The following MBLAC1 variants were observed in gnomAD, a reference collection of about 807,000 sequenced individuals.
MBLAC1 encodes the protein metallo-beta-lactamase domain containing 1.
A neutral mutation model predicts 1.5 loss-of-function variants in MBLAC1; 1 was observed. That is an observed-to-expected ratio of 0.68 (90% CI 0.24 to 3.21). The LOEUF is 3.21. Ranked by LOEUF, MBLAC1 falls within the 30% of genes most tolerant of loss-of-function variation. MBLAC1 has a pLI of 0.20. For missense variants in MBLAC1, 371 were observed against 384.7 expected (o/e 0.96, Z 0.30); for synonymous variants, 197 against 191.3 (o/e 1.03, Z -0.25).
chr7:100,127,621 G>T lies in MBLAC1; in HGVS notation c.226G>T (p.Ala76Ser), dbSNP rs1235486297. Residue 76 changes from alanine (A) to serine (S), a missense_variant, in exon 2 of 2, where the codon GCC (alanine) becomes TCC (serine). Physicochemically the swap from Ala to Ser is moderately conservative, Grantham distance 99. Coordinates refer to ENST00000398075, the MANE Select transcript of MBLAC1 (RefSeq NM_203397.3). The surrounding 1 kb of genome is among the most constrained non-coding windows in gnomAD (Gnocchi z 4.6). ...CGCAGAGGCCGCCCTGGAGGAGGCG[G>T]CCCGTGGCCCCATCCTGGTGGACAC... is the stretch of plus-strand genomic sequence containing the variant. ...GGAEAALEEA[A>S]RGPILVDTGG... 1.4e-5 allele frequency: 19 copies of T among 1,397,356 alleles called. No homozygotes were observed. Among genetic ancestry groups the T allele is most frequent in the Non-Finnish European group, 1.8e-5 (19 of 1,082,486 alleles). 86.6% of individuals were successfully genotyped at this position (1,397,356 alleles called of 1,614,324 possible).
Position 100,128,334 on chromosome 7 carries a change from C to T in MBLAC1, c.*138C>T. 1 of 706,936 alleles carries T rather than the reference C, an allele frequency of 1.4e-6. No homozygotes were observed. The highest frequency in any genetic ancestry group is 3.0e-5 in the Admixed American group (1 of 33,806). The allele number at this position is 706,936 out of a possible 1,614,324, so 43.8% of individuals were successfully genotyped here. On this transcript the variant is annotated 3_prime_UTR_variant, in exon 2 of 2. Transcript: ENST00000398075. Reference sequence around the variant, plus strand: ...GTTTTCTAGTGAAGACAGAGTGCACCTGACACTGCCATCACATCGTCAGTA... The same window carrying T: ...GTTTTCTAGTGAAGACAGAGTGCACTTGACACTGCCATCACATCGTCAGTA...
chr7:100,128,324 CAG>C lies in MBLAC1; in HGVS notation c.*131_*132del. Reference sequence around the variant, plus strand: ...CAGGAGGCCAGTTTTCTAGTGAAGACAGAGTGCACCTGACACTGCCATCACAT... The same window carrying C: ...CAGGAGGCCAGTTTTCTAGTGAAGACAGTGCACCTGACACTGCCATCACAT... On this transcript the variant is annotated 3_prime_UTR_variant, in exon 2 of 2. Transcript: ENST00000398075. The C allele has an allele frequency of 2.6e-6, 2 of 769,792 alleles. No individual in the cohort carries two copies. The highest frequency in any genetic ancestry group is 4.2e-6 in the Non-Finnish European group (2 of 477,744). The allele number at this position is 769,792 out of a possible 1,614,324, so 47.7% of individuals were successfully genotyped here.
In MBLAC1 at chr7:100,127,635, C is replaced by G. The variant is rs1437353657; in HGVS notation, c.240C>G (p.Ile80Met). The change falls in exon 2 of 2, where the codon ATC (isoleucine) becomes ATG (methionine). Residue 80 changes from isoleucine (I) to methionine (M), a missense_variant. Physicochemically the swap from Ile to Met is conservative, Grantham distance 10. Transcript: ENST00000398075. The surrounding 1 kb of genome is among the most constrained non-coding windows in gnomAD (Gnocchi z 4.6). Reference sequence around the variant, plus strand: ...TGGAGGAGGCGGCCCGTGGCCCCATCCTGGTGGACACCGGGGGCCCCTGGG... The same window carrying G: ...TGGAGGAGGCGGCCCGTGGCCCCATGCTGGTGGACACCGGGGGCCCCTGGG... Reference protein sequence around the residue: ...AALEEAARGPILVDTGGPWAR... With the variant: ...AALEEAARGPMLVDTGGPWAR... 4.3e-6 allele frequency: 6 copies of G among 1,403,218 alleles called. No homozygotes were observed. In the Admixed American group the frequency reaches 1.3e-4, roughly 31 times the overall value. 86.9% of individuals were successfully genotyped at this position (1,403,218 alleles called of 1,614,324 possible).
At position 100,127,830 on chromosome 7, in the gene MBLAC1, GC is replaced by G; in HGVS notation, c.439del (p.His147ThrfsTer29). On this transcript the variant is annotated frameshift_variant, in exon 2 of 2. Coordinates refer to ENST00000398075, the MANE Select transcript of MBLAC1 (RefSeq NM_203397.3). LOFTEE classifies it low-confidence loss of function (END_TRUNC). This position sits in a 1 kb window ranked among gnomAD's most constrained non-coding sequence, Gnocchi z 4.6. ...DFCLPGGRYL[P>X]HGLGEGQPLR... The stretch of plus-strand genomic sequence containing the variant: ...TCTGCCTTCCCGGAGGCCGCTACCT[GC>G]CCCACGGGCTGGGTGAGGGGCAGCC... The G allele has an allele frequency of 6.4e-7, 1 of 1,566,046 alleles. No homozygotes were observed. The highest frequency in any genetic ancestry group is 8.7e-7 in the Non-Finnish European group (1 of 1,154,680).
At position 100,128,433 on chromosome 7, in the gene MBLAC1, A is replaced by T; in HGVS notation, c.*237A>T. On this transcript the variant is annotated 3_prime_UTR_variant, in exon 2 of 2. Transcript: ENST00000398075. ...TCCCTGTGCATTCTCCCTGGGCCTC[A>T]GTAAAATGGGAGAAGGTTCGTGGGA... The T allele has an allele frequency of 2.0e-6, 1 of 489,480 alleles. No individual in the cohort carries two copies. The highest frequency in any genetic ancestry group is 3.7e-6 in the Non-Finnish European group (1 of 270,482). 30.3% of individuals were successfully genotyped at this position (489,480 alleles called of 1,614,324 possible).
At position 100,127,895 on chromosome 7, in the gene MBLAC1, C is replaced by T. The variant is rs934479206; in HGVS notation, c.500C>T (p.Pro167Leu). The stretch of plus-strand genomic sequence containing the variant: ...CCGGGGCTCGAGGTGTGGGCCACGC[C>T]GGGCCACGGGGGCCAGCGCGACGTG... ...LGPGLEVWAT[P>L]GHGGQRDVSV... Residue 167 changes from proline (P) to leucine (L), a missense_variant, in exon 2 of 2, where the codon CCG (proline) becomes CTG (leucine). Transcript: ENST00000398075. This position sits in a 1 kb window ranked among gnomAD's most constrained non-coding sequence, Gnocchi z 4.6. The T allele has an allele frequency of 1.3e-6, 2 of 1,567,584 alleles. No homozygotes were observed. Among genetic ancestry groups the T allele is most frequent in the Admixed American group, 1.9e-5 (1 of 52,562 alleles).
At position 100,127,312 on chromosome 7, in the gene MBLAC1, G is replaced by A. The variant is rs555316776; in HGVS notation, c.-28-56G>A. ...GGCAGTGGCGGGGCCGAGCGCGGGTGGGGGATCGCGGAGGGACAGGACGGT... is the reference window on the plus strand; with the variant it reads ...GGCAGTGGCGGGGCCGAGCGCGGGTAGGGGATCGCGGAGGGACAGGACGGT... On this transcript the variant is annotated intron_variant, in intron 1 of 1. Transcript: ENST00000398075. The surrounding 1 kb of genome is among the most constrained non-coding windows in gnomAD (Gnocchi z 4.6). The A allele has an allele frequency of 6.5e-4, 843 of 1,303,320 alleles. 2 individuals are homozygous for A. In the African/African-American group the frequency reaches 0.011, roughly 17 times the overall value. 80.7% of individuals were successfully genotyped at this position (1,303,320 alleles called of 1,614,324 possible).
Position 100,128,117 on chromosome 7 carries a change from C to T in MBLAC1, c.722C>T (p.Ala241Val). The stretch of plus-strand genomic sequence containing the variant: ...CCCCCCTTTCGAGTGTTAAGGGAAG[C>T]CTCGCAGCCCGAGACGGAGGGTGGA... ...HGPPFRVLRE[A>V]SQPETEGGGN... Residue 241 changes from alanine to valine, a missense_variant, in exon 2 of 2, where the codon GCC becomes GTC. Physicochemically the swap from Ala to Val is moderately conservative, Grantham distance 64. Coordinates refer to ENST00000398075, the MANE Select transcript of MBLAC1 (RefSeq NM_203397.3). 6.2e-7 allele frequency: 1 copy of T among 1,608,058 alleles called. No individual in the cohort carries two copies. Among genetic ancestry groups the T allele is most frequent in the East Asian group, 2.2e-5 (1 of 44,656 alleles).
At position 100,127,323 on chromosome 7, in the gene MBLAC1, G is replaced by T. The variant is rs1798250462; in HGVS notation, c.-28-45G>T. On this transcript the variant is annotated intron_variant, in intron 1 of 1. Coordinates refer to ENST00000398075, the MANE Select transcript of MBLAC1 (RefSeq NM_203397.3). This position sits in a 1 kb window ranked among gnomAD's most constrained non-coding sequence, Gnocchi z 4.6. ...GGCCGAGCGCGGGTGGGGGATCGCG[G>T]AGGGACAGGACGGTCGCCCACTGCT... The T allele has an allele frequency of 5.8e-6, 8 of 1,387,126 alleles. No individual in the cohort carries two copies. The African/African-American group carries it at 1.0e-4, about 18-fold the overall frequency. 85.9% of individuals were successfully genotyped at this position (1,387,126 alleles called of 1,614,324 possible).
At position 100,127,758 on chromosome 7, in the gene MBLAC1, G is replaced by A; in HGVS notation, c.363G>A (p.Gly121=). 3 of 1,540,010 alleles carry A rather than the reference G, an allele frequency of 1.9e-6. No homozygotes were observed. Among genetic ancestry groups the A allele is most frequent in the Non-Finnish European group, 8.7e-7 (1 of 1,145,856 alleles). Residue 121 remains glycine (G), a synonymous_variant, in exon 2 of 2, where the codon GGG becomes GGA. Coordinates refer to ENST00000398075, the MANE Select transcript of MBLAC1 (RefSeq NM_203397.3). This position sits in a 1 kb window ranked among gnomAD's most constrained non-coding sequence, Gnocchi z 4.6. ...VGTHGHSDHI[G]NLGLFPGAAL... ...CCCACGGGCACTCGGATCACATCGGGAACTTGGGGCTGTTCCCAGGCGCGG... is the reference window on the plus strand; with the variant it reads ...CCCACGGGCACTCGGATCACATCGGAAACTTGGGGCTGTTCCCAGGCGCGG...
Position 100,127,782 on chromosome 7 carries a change from G to C in MBLAC1, c.387G>C (p.Ala129=), listed in dbSNP as rs1238375038. 1.3e-6 allele frequency: 2 copies of C among 1,570,444 alleles called. No homozygotes were observed. Among genetic ancestry groups the C allele is most frequent in the Admixed American group, 1.8e-5 (1 of 54,392 alleles). The part of the protein sequence containing the change: ...HIGNLGLFPG[A]ALLVSHDFCL... ...GGAACTTGGGGCTGTTCCCAGGCGC[G>C]GCTCTGCTGGTCTCGCACGACTTCT... Residue 129 remains alanine (A), a synonymous_variant, in exon 2 of 2, where the codon GCG becomes GCC. Coordinates refer to ENST00000398075, the MANE Select transcript of MBLAC1 (RefSeq NM_203397.3). The surrounding 1 kb of genome is among the most constrained non-coding windows in gnomAD (Gnocchi z 4.6).
In MBLAC1 at chr7:100,127,144, C is replaced by T. The variant is rs1340630801; in HGVS notation, c.-29+80C>T. 4 of 511,792 alleles carry T rather than the reference C, an allele frequency of 7.8e-6. No homozygotes were observed. Among genetic ancestry groups the T allele is most frequent in the African/African-American group, 6.1e-5 (3 of 49,016 alleles). 31.7% of individuals were successfully genotyped at this position (511,792 alleles called of 1,614,324 possible). On this transcript the variant is annotated intron_variant, in intron 1 of 1. Transcript: ENST00000398075. This position sits in a 1 kb window ranked among gnomAD's most constrained non-coding sequence, Gnocchi z 4.6. ...GTGACGGGCAAGGACGTACGTACCGCGAACGGAATGGGGCGGGGGCCGAGG... is the reference window on the plus strand; with the variant it reads ...GTGACGGGCAAGGACGTACGTACCGTGAACGGAATGGGGCGGGGGCCGAGG...
rs1457440993 is a variant in MBLAC1, at chr7:100,127,416, C to CG, written c.25dup (p.Ala9GlyfsTer143). 8 of 1,592,280 alleles carry CG rather than the reference C, an allele frequency of 5.0e-6. No homozygotes were observed. Among genetic ancestry groups the CG allele is most frequent in the Non-Finnish European group, 6.8e-6 (8 of 1,177,208 alleles). ...GCCTCATGCGGACCGAGCCGCTGTG[C>CG]GGGGCATCCCCTCTGCTGGTGCCCG... On this transcript the variant is annotated frameshift_variant, in exon 2 of 2. Coordinates refer to ENST00000398075, the MANE Select transcript of MBLAC1 (RefSeq NM_203397.3). LOFTEE classifies it low-confidence loss of function (END_TRUNC). The surrounding 1 kb of genome is among the most constrained non-coding windows in gnomAD (Gnocchi z 4.6).
In MBLAC1 at chr7:100,127,312, G is replaced by C; in HGVS notation, c.-28-56G>C. ...GGCAGTGGCGGGGCCGAGCGCGGGT[G>C]GGGGATCGCGGAGGGACAGGACGGT... is the stretch of plus-strand genomic sequence containing the variant. On this transcript the variant is annotated intron_variant, in intron 1 of 1. Coordinates refer to ENST00000398075, the MANE Select transcript of MBLAC1 (RefSeq NM_203397.3). This position sits in a 1 kb window ranked among gnomAD's most constrained non-coding sequence, Gnocchi z 4.6. 1.5e-6 allele frequency: 2 copies of C among 1,303,326 alleles called. No individual in the cohort carries two copies. The highest frequency in any genetic ancestry group is 2.5e-5 in the Admixed American group (1 of 40,596). The allele number at this position is 1,303,326 out of a possible 1,614,324, so 80.7% of individuals were successfully genotyped here.
Position 100,127,848 on chromosome 7 carries a change from G to T in MBLAC1, c.453G>T (p.Glu151Asp). The change falls in exon 2 of 2, where the codon GAG (glutamate) becomes GAT (aspartate). Residue 151 changes from glutamate to aspartate, a missense_variant. Transcript: ENST00000398075. This position sits in a 1 kb window ranked among gnomAD's most constrained non-coding sequence, Gnocchi z 4.6. ...GCTACCTGCCCCACGGGCTGGGTGA[G>T]GGGCAGCCCCTGCGCCTGGGCCCGG... Reference protein sequence around the residue: ...GGRYLPHGLGEGQPLRLGPGL... With the variant: ...GGRYLPHGLGDGQPLRLGPGL... 1 of 1,561,758 alleles carries T rather than the reference G, an allele frequency of 6.4e-7. No individual in the cohort carries two copies.
In MBLAC1 at chr7:100,127,947, G is replaced by A; in HGVS notation, c.552G>A (p.Leu184=). The change falls in exon 2 of 2, where the codon CTG becomes CTA. Residue 184 remains leucine (L), a synonymous_variant. Coordinates refer to ENST00000398075, the MANE Select transcript of MBLAC1 (RefSeq NM_203397.3). This position sits in a 1 kb window ranked among gnomAD's most constrained non-coding sequence, Gnocchi z 4.6. The part of the protein sequence containing the change: ...DVSVVVAGTA[L]GTVVVAGDVF... ...GCGTGGTGGTGGCCGGCACGGCTCT[G>A]GGCACCGTGGTGGTGGCGGGAGATG... 6.2e-7 allele frequency: 1 copy of A among 1,601,442 alleles called. No individual in the cohort carries two copies. The highest frequency in any genetic ancestry group is 8.5e-7 in the Non-Finnish European group (1 of 1,174,152).
At position 100,128,201 on chromosome 7, in the gene MBLAC1, C is replaced by T; in HGVS notation, c.*5C>T. 6.4e-7 allele frequency: 1 copy of T among 1,574,348 alleles called. No individual in the cohort carries two copies. The highest frequency in any genetic ancestry group is 2.3e-5 in the East Asian group (1 of 43,174). On this transcript the variant is annotated 3_prime_UTR_variant, in exon 2 of 2. Transcript: ENST00000398075. ...GAGGAGCCCGCCCTGCACTAATCAG[C>T]CTCGAGAGGGACTGCACTCTTGTCA... is the stretch of plus-strand genomic sequence containing the variant.
Position 100,127,575 on chromosome 7 carries a change from G to A in MBLAC1, c.180G>A (p.Glu60=). 7.0e-7 allele frequency: 1 copy of A among 1,431,042 alleles called. No individual in the cohort carries two copies. The allele number at this position is 1,431,042 out of a possible 1,614,324, so 88.6% of individuals were successfully genotyped here. Residue 60 remains glutamate (E), a synonymous_variant, in exon 2 of 2, where the codon GAG becomes GAA. Coordinates refer to ENST00000398075, the MANE Select transcript of MBLAC1 (RefSeq NM_203397.3). The surrounding 1 kb of genome is among the most constrained non-coding windows in gnomAD (Gnocchi z 4.6). The part of the protein sequence containing the change: ...QTRGPASSHR[E]SPRGSGGAEA... ...GGGGCCCGGCCTCCAGCCACCGAGA[G>A]TCCCCGCGCGGGAGTGGCGGCGCAG...
In MBLAC1 at chr7:100,128,104, G is replaced by T. The variant is rs1798277872; in HGVS notation, c.709G>T (p.Val237Leu). ...ACCTGGTCACGGGCCCCCCTTTCGA[G>T]TGTTAAGGGAAGCCTCGCAGCCCGA... is the stretch of plus-strand genomic sequence containing the variant. ...VVPGHGPPFR[V>L]LREASQPETE... The change falls in exon 2 of 2, where the codon GTG becomes TTG. Residue 237 changes from valine (V) to leucine (L), a missense_variant. Transcript: ENST00000398075. The T allele has an allele frequency of 6.2e-7, 1 of 1,609,492 alleles. No individual in the cohort carries two copies.
Sources: gnomAD v4.1 joint callset for allele counts on GRCh38, gnomAD v4.1.1 for gene constraint, Gnocchi (gnomAD v3.1) non-coding constraint, MANE v1.5 for transcripts, NCBI Gene and HGNC (gene_info 2026-07-23, HGNC 2026-07-21) for gene names.